Variants in PRKCA observed in about 807,000 individuals in gnomAD.
The protein encoded by PRKCA is protein kinase C alpha type.
PRKCA carries 27 observed loss-of-function variants against 87.0 expected under a neutral mutation model. The ratio of observed to expected loss-of-function variants is 0.31; its 90% CI spans 0.23 to 0.43. PRKCA has a LOEUF of 0.43. Among genes scored for constraint, PRKCA ranks in the 20% least tolerant of loss-of-function variants. The probability of loss-of-function intolerance (pLI) is 1.00; values close to 1 mark genes in which losing one functional copy is unlikely to be tolerated. For synonymous variants in PRKCA, 329 were observed against 311.1 expected, an observed-to-expected ratio of 1.06 and a Z score of -0.61; for missense variants, 518 against 852.3, an observed-to-expected ratio of 0.61 and a Z score of 4.88.
intron 3 of PRKCA, among the ~76,000 whole-genome samples, chr17:66,516,306 AC>A (rs1966968518): frequency 6.6e-6 from 1 of 151,958 alleles, no homozygotes; most frequent in Non-Finnish European, 1.5e-5. Context: ...TAGCATAGAG[AC>A]CCAGAAAATG....
chr17:66,371,083 G>A (rs563388367), intron 2 of PRKCA, among the ~76,000 whole-genome samples: 39 of 152,292 alleles, frequency 2.6e-4, no homozygotes, highest in African/African-American at 9.4e-4. Context: ...CATGCGAGTA[G>A]CAAATAAGAT....
chr17:66,493,425 A>C (rs769459543), intron 2 of PRKCA, among the ~76,000 whole-genome samples: 21 of 151,990 alleles, frequency 1.4e-4, no homozygotes, highest in Non-Finnish European at 3.1e-4. Flanking sequence ...GCCAGTGCAT[A>C]TGACATGATG....
intron 3 of PRKCA, among the ~76,000 whole-genome samples, chr17:66,544,434 A>G (rs892649993): frequency 9.2e-5 from 14 of 151,798 alleles, no homozygotes; most frequent in Non-Finnish European, 1.2e-4. Context: ...ATTTGTATAC[A>G]TGCTGGTTTA....
At chr17:66,658,008 C>T (rs1190702437) in intron 5 of PRKCA, among the ~76,000 whole-genome samples, 1 of 152,206 alleles carries the variant, frequency 6.6e-6, no homozygotes. Flanking sequence ...AAGAAATACC[C>T]GAGACTGGTA....
chr17:66,784,082 C>T (rs774911047), intron 14 of PRKCA, among the ~76,000 whole-genome samples: 2 of 152,244 alleles, frequency 1.3e-5, no homozygotes, highest in Non-Finnish European at 2.9e-5. Context: ...GCCCTGACCA[C>T]AGGCCCTCTT....
chr17:66,738,874 G>C lies in PRKCA; in HGVS notation c.1322+19G>C, dbSNP rs74207924. On this transcript the variant is annotated intron_variant, in intron 11 of 16. Coordinates refer to ENST00000413366, the MANE Select transcript of PRKCA (RefSeq NM_002737.3). ...AAGCAGTGTGAGTATTATTTTTTAA[G>C]TCCTTTAATTTGAACAACCAAGTCC... 3,113 of 1,594,376 alleles carry C rather than the reference G, an allele frequency of 2.0e-3. 6 individuals carry two copies. Among genetic ancestry groups the C allele is most frequent in the Non-Finnish European group, 2.4e-3 (2,829 of 1,162,842 alleles).
intron 3 of PRKCA, among the ~76,000 whole-genome samples, chr17:66,605,569 A>C (rs1482222823): frequency 6.6e-6 from 1 of 152,250 alleles, no homozygotes; most frequent in East Asian, 1.9e-4. Flanking sequence ...TAAAGTTGCC[A>C]TAAGACCCAA....
At position 66,759,129 on chromosome 17, in the gene PRKCA, C is replaced by T. The variant is rs183195208; in HGVS notation, c.1525-14858C>T. Reference sequence around the variant, plus strand: ...TAGCACTTTGGGAGGCCGAGGCGGGCGGATTACAAGGTCAGGAGATTGAGA... The same window carrying T: ...TAGCACTTTGGGAGGCCGAGGCGGGTGGATTACAAGGTCAGGAGATTGAGA... On this transcript the variant is annotated intron_variant, in intron 13 of 16. Coordinates refer to ENST00000413366, the MANE Select transcript of PRKCA (RefSeq NM_002737.3). Among the ~76,000 whole-genome samples the T allele has an allele frequency of 4.0e-3, 601 of 151,532 alleles. 5 individuals carry two copies. Among genetic ancestry groups the T allele is most frequent in the African/African-American group, 0.014 (570 of 41,274 alleles).
intron 13 of PRKCA, among the ~76,000 whole-genome samples, chr17:66,770,473 G>A (rs546426226): frequency 4.6e-5 from 7 of 152,234 alleles, no homozygotes; most frequent in South Asian, 2.1e-4. Context: ...AAAAACAAAC[G>A]GAAACAGAAT....
rs1437871974 is a variant in PRKCA at position 66,804,555 on chromosome 17, A to G, written c.*518A>G. Reference sequence around the variant, plus strand: ...CTGCGTCCATTCTCTGCCTCCATGGAAACAGCCCCTAGAATCTGAAAGGCC... The same window carrying G: ...CTGCGTCCATTCTCTGCCTCCATGGGAACAGCCCCTAGAATCTGAAAGGCC... On this transcript the variant is annotated 3_prime_UTR_variant, in exon 17 of 17. Transcript: ENST00000413366. The G allele has an allele frequency of 6.5e-6, 1 of 153,224 alleles. No individual in the cohort carries two copies. Among genetic ancestry groups the G allele is most frequent in the East Asian group, 1.9e-4 (1 of 5,196 alleles). 9.5% of individuals were successfully genotyped at this position (153,224 alleles called of 1,614,324 possible).
intron 14 of PRKCA, among the ~76,000 whole-genome samples, chr17:66,781,868 G>GAGATATAT (rs1491546533): frequency 1.0e-5 from 1 of 99,324 alleles, no homozygotes; most frequent in African/African-American, 3.8e-5. Context: ...GAGAGAGAGA[G>GAGATATAT]ATATATATAT....
At chr17:66,621,548 A>G (rs1048088236) in intron 3 of PRKCA, among the ~76,000 whole-genome samples, 4 of 152,214 alleles carry the variant, frequency 2.6e-5, no homozygotes, top group East Asian at 3.9e-4. Context: ...AAATCTTCAT[A>G]TCTTCATTAG....
intron 3 of PRKCA, among the ~76,000 whole-genome samples, chr17:66,557,957 G>A (rs1025512195): frequency 6.6e-6 from 1 of 152,210 alleles, no homozygotes; most frequent in African/African-American, 2.4e-5. Flanking sequence ...TCCCCATGCA[G>A]TCCAGACACC....
intron 2 of PRKCA, among the ~76,000 whole-genome samples, chr17:66,386,293 G>C (rs988234831): frequency 6.6e-6 from 1 of 152,140 alleles, no homozygotes; most frequent in Non-Finnish European, 1.5e-5. Context: ...GTAGTGCTTC[G>C]TTGTGTGGAT....
At chr17:66,570,088 A>G (rs1969030579) in intron 3 of PRKCA, among the ~76,000 whole-genome samples, 1 of 152,216 alleles carries the variant, frequency 6.6e-6, no homozygotes, top group Admixed American at 6.5e-5. Context: ...ATGTGCAACA[A>G]AAGTGTGATG....
At chr17:66,539,643 T>C (rs1222139119) in intron 3 of PRKCA, among the ~76,000 whole-genome samples, 1 of 152,190 alleles carries the variant, frequency 6.6e-6, no homozygotes, top group Non-Finnish European at 1.5e-5. Flanking sequence ...TGATTTGTGA[T>C]CTGCCCGCCT....
chr17:66,644,409 C>A (rs1255343332), intron 4 of PRKCA, among the ~76,000 whole-genome samples: 1 of 152,158 alleles, frequency 6.6e-6, no homozygotes, highest in East Asian at 1.9e-4. Flanking sequence ...CAGTGGCCTT[C>A]CCTCCTTCTG....
At chr17:66,494,267 T>C (rs1249496179) in intron 2 of PRKCA, among the ~76,000 whole-genome samples, 1 of 152,254 alleles carries the variant, frequency 6.6e-6, no homozygotes, top group Non-Finnish European at 1.5e-5. Flanking sequence ...AGAGTCTTAG[T>C]TCATTTTTGC....
chr17:66,666,435 G>A lies in PRKCA; in HGVS notation c.530-20676G>A, dbSNP rs182313552. On this transcript the variant is annotated intron_variant, in intron 5 of 16. Transcript: ENST00000413366. ...ATTTGCCTGGAGCCTCTGCTTTCTCGCTGCTCATTTGAACATATTCATACT... is the reference window on the plus strand; with the variant it reads ...ATTTGCCTGGAGCCTCTGCTTTCTCACTGCTCATTTGAACATATTCATACT... Among the ~76,000 whole-genome samples, 6 of 152,186 alleles carry A rather than the reference G, an allele frequency of 3.9e-5. No homozygotes were observed. The East Asian group carries it at 7.7e-4, about 20-fold the overall frequency.
Sources: allele counts gnomAD v4.1 joint callset (sites outside exome capture counted in the v4.1 genomes callset), GRCh38; gene constraint gnomAD v4.1.1; transcripts MANE v1.5; gene names NCBI Gene and HGNC (gene_info 2026-07-23, HGNC 2026-07-21).